The following PPP1R12B variants were observed in gnomAD, a reference collection of about 807,000 sequenced individuals.
The protein encoded by PPP1R12B is myosin phosphatase target subunit 2.
Under a neutral mutation model 126.1 loss-of-function variants are expected in PPP1R12B, and 76 were observed. The ratio of observed to expected loss-of-function variants is 0.60; its 90% CI spans 0.50 to 0.73. The LOEUF (loss-of-function observed/expected upper bound fraction) is 0.73, where lower values mean the gene tolerates loss of function less well. Among genes scored for constraint, PPP1R12B ranks in the 30% least tolerant of loss-of-function variants. The pLI, the probability that PPP1R12B is intolerant of heterozygous loss-of-function variation, is 0.00. For synonymous variants in PPP1R12B, 356 were observed against 434.7 expected, an observed-to-expected ratio of 0.82 and a Z score of 2.25; for missense variants, 1,052 against 1,205.1, an observed-to-expected ratio of 0.87 and a Z score of 1.88.
intron 13 of PPP1R12B, among the ~76,000 whole-genome samples, chr1:202,480,422 A>G (rs551894836): frequency 6.6e-6 from 1 of 152,304 alleles, no homozygotes; most frequent in South Asian, 2.1e-4. Flanking sequence ...GTCCCAAGAG[A>G]AGACAGAAGC....
In PPP1R12B at chr1:202,446,254, A is replaced by ATTTTTTT. The variant is rs879273755; in HGVS notation, c.1668-2734_1668-2733insTTTTTTT. On this transcript the variant is annotated intron_variant, in intron 12 of 23. Coordinates refer to ENST00000608999, the MANE Select transcript of PPP1R12B (RefSeq NM_002481.4). ...TCTCTCTCTATATATATATATATAT[A>ATTTTTTT]TATTTTTTTTTTTTTTTGAGATGGA... is the stretch of plus-strand genomic sequence containing the variant. 3.7e-3 allele frequency among the ~76,000 whole-genome samples: 173 copies of ATTTTTTT among 47,154 alleles called. 6 individuals carry two copies. Among genetic ancestry groups the ATTTTTTT allele is most frequent in the African/African-American group, 0.011 (164 of 15,082 alleles). 30.9% of individuals were successfully genotyped at this position (47,154 alleles called of 152,430 possible).
rs1185486855 is a variant in PPP1R12B, at chr1:202,551,972, C to CCAG, written c.2491-6898_2491-6896dup. Among the ~76,000 whole-genome samples, 7 of 152,260 alleles carry CCAG rather than the reference C, an allele frequency of 4.6e-5. No individual in the cohort carries two copies. The East Asian group carries it at 1.4e-3, about 29-fold the overall frequency. ...CTTCCCCAGATGCTCCTGATAAAAG[C>CCAG]CAGCAGCAGACTCCTTGATTTCAGA... On this transcript the variant is annotated intron_variant, in intron 18 of 23. Transcript: ENST00000608999.
chr1:202,506,986 G>A (rs1680885353), intron 18 of PPP1R12B, among the ~76,000 whole-genome samples: 1 of 152,192 alleles, frequency 6.6e-6, no homozygotes, highest in Non-Finnish European at 1.5e-5. Context: ...CAAGTATCCT[G>A]AAGCTTGCTT....
intron 1 of PPP1R12B, among the ~76,000 whole-genome samples, chr1:202,404,618 G>A (rs1666326804): frequency 1.3e-5 from 2 of 152,106 alleles, no homozygotes; most frequent in African/African-American, 4.8e-5. Context: ...TCCTGCCTCA[G>A]CCTCCTGAGT....
At chr1:202,362,507 C>T (rs1658386883) in intron 1 of PPP1R12B, among the ~76,000 whole-genome samples, 1 of 152,122 alleles carries the variant, frequency 6.6e-6, no homozygotes, top group African/African-American at 2.4e-5. Context: ...AATTTGACTG[C>T]TAGAACTCTA....
intron 18 of PPP1R12B, among the ~76,000 whole-genome samples, chr1:202,510,205 G>C (rs1230419602): frequency 6.6e-6 from 1 of 152,170 alleles, no homozygotes; most frequent in Non-Finnish European, 1.5e-5. Flanking sequence ...TTAGAGCTAA[G>C]GGCGTGTGTA....
intron 12 of PPP1R12B, among the ~76,000 whole-genome samples, 163 bp from the exon 13 acceptor site, chr1:202,448,826 A>G (rs1258666060): frequency 6.6e-6 from 1 of 152,218 alleles, no homozygotes; most frequent in African/African-American, 2.4e-5. Context: ...ATGTAATTAT[A>G]CTATTCCAAG....
chr1:202,475,184 G>A lies in PPP1R12B; in HGVS notation c.1851-13349G>A, dbSNP rs531194161. 6.3e-4 allele frequency among the ~76,000 whole-genome samples: 96 copies of A among 152,216 alleles called. 2 individuals carry two copies. The highest frequency in any genetic ancestry group is 1.2e-3 in the Non-Finnish European group (85 of 68,012). ...TATTGTACCATAGTATTAGCCTCCC[G>A]TTCCCAATTAGGAACAGCAAGGAAA... On this transcript the variant is annotated intron_variant, in intron 13 of 23. Transcript: ENST00000608999.
chr1:202,498,556 T>C (rs1018725862), intron 18 of PPP1R12B, among the ~76,000 whole-genome samples: 1 of 152,222 alleles, frequency 6.6e-6, no homozygotes, highest in Non-Finnish European at 1.5e-5. Context: ...GTTAAATTCT[T>C]AACTGTTTTT....
intron 23 of PPP1R12B, among the ~76,000 whole-genome samples, chr1:202,578,548 T>A (rs1304553902): frequency 6.6e-6 from 1 of 152,240 alleles, no homozygotes; most frequent in East Asian, 1.9e-4. Flanking sequence ...AAATCAGAGG[T>A]AGGAGACCAG....
At chr1:202,526,725 G>A (rs1468954759) in intron 18 of PPP1R12B, among the ~76,000 whole-genome samples, 5 of 152,152 alleles carry the variant, frequency 3.3e-5, no homozygotes, top group African/African-American at 9.7e-5. Flanking sequence ...GGAAAGATAC[G>A]ATGTGGAGAT....
rs781502947 is a variant in PPP1R12B at position 202,592,660 on chromosome 1, T to A, written c.*12100T>A. Reference sequence around the variant, plus strand: ...CTCAAATGGCTTCAGAAGGTTCTTATTTTGTTGTTGCTTAAAAAATAAAGT... The same window carrying A: ...CTCAAATGGCTTCAGAAGGTTCTTAATTTGTTGTTGCTTAAAAAATAAAGT... On this transcript the variant is annotated 3_prime_UTR_variant, in exon 24 of 24. Transcript: ENST00000608999. 1 of 152,222 alleles carries A rather than the reference T, an allele frequency of 6.6e-6. No individual in the cohort carries two copies. The highest frequency in any genetic ancestry group is 1.5e-5 in the Non-Finnish European group (1 of 68,032). 9.4% of individuals were successfully genotyped at this position (152,222 alleles called of 1,614,324 possible).
chr1:202,570,577 A>G (rs1305821944), intron 23 of PPP1R12B, among the ~76,000 whole-genome samples: 1 of 152,252 alleles, frequency 6.6e-6, no homozygotes, highest in African/African-American at 2.4e-5. Context: ...GAGATGGTAG[A>G]ACAGTATGCC....
At chr1:202,356,540 A>G (rs1428074092) in intron 1 of PPP1R12B, among the ~76,000 whole-genome samples, 11 of 152,196 alleles carry the variant, frequency 7.2e-5, no homozygotes, top group Non-Finnish European at 1.5e-5. Context: ...GATTAATTTA[A>G]GGATCTTGAG....
chr1:202,391,478 A>C (rs1283515458), intron 1 of PPP1R12B, among the ~76,000 whole-genome samples: 2 of 152,148 alleles, frequency 1.3e-5, no homozygotes, highest in African/African-American at 4.8e-5. Flanking sequence ...GCAGTTCCTC[A>C]AACAATTAAG....
At chr1:202,390,230 C>T (rs1663917583) in intron 1 of PPP1R12B, among the ~76,000 whole-genome samples, 1 of 152,072 alleles carries the variant, frequency 6.6e-6, no homozygotes, top group African/African-American at 2.4e-5. Flanking sequence ...GGATAACATG[C>T]AAAAGAATGA....
intron 1 of PPP1R12B, among the ~76,000 whole-genome samples, chr1:202,410,950 T>C (rs775208546): frequency 1.3e-5 from 2 of 152,278 alleles, no homozygotes; most frequent in Non-Finnish European, 1.5e-5. Flanking sequence ...TTCCCCATTA[T>C]CATGAGTGAC....
At chr1:202,562,195 C>G (rs1687597704) in intron 19 of PPP1R12B, among the ~76,000 whole-genome samples, 1 of 152,188 alleles carries the variant, frequency 6.6e-6, no homozygotes, top group African/African-American at 2.4e-5. Flanking sequence ...ACAGGCACAG[C>G]AGTCTTGATG....
At chr1:202,499,486 C>T (rs1415396150) in intron 18 of PPP1R12B, among the ~76,000 whole-genome samples, 2 of 152,156 alleles carry the variant, frequency 1.3e-5, no homozygotes, top group African/African-American at 4.8e-5. Flanking sequence ...AACTCCTGGG[C>T]TCAAACAGTC....
Sources: allele counts gnomAD v4.1 joint callset (sites outside exome capture counted in the v4.1 genomes callset), GRCh38; gene constraint gnomAD v4.1.1; transcripts MANE v1.5; gene names NCBI Gene and HGNC (gene_info 2026-07-23, HGNC 2026-07-21).